ADAMTSL1: variants seen among roughly 807,000 people sequenced by gnomAD.
ADAMTSL1 encodes the protein ADAMTS like 1, also known as ADAMTS-like protein 1.
A neutral mutation model predicts 201.8 loss-of-function variants in ADAMTSL1; 126 were observed. The ratio of observed to expected loss-of-function variants is 0.62; its 90% CI spans 0.54 to 0.72. The LOEUF (loss-of-function observed/expected upper bound fraction) is 0.72, where lower values mean the gene tolerates loss of function less well. Ranked by LOEUF, ADAMTSL1 falls within the 30% of genes least tolerant of loss-of-function variation. The pLI, the probability that ADAMTSL1 is intolerant of heterozygous loss-of-function variation, is 0.00. For synonymous variants in ADAMTSL1, 1,121 were observed against 903.4 expected, an observed-to-expected ratio of 1.24 and a Z score of -4.32; for missense variants, 2,679 against 2,277.8, an observed-to-expected ratio of 1.18 and a Z score of -3.59.
intron 1 of ADAMTSL1, among the ~76,000 whole-genome samples, chr9:18,030,787 T>A (rs149793883): frequency 6.6e-6 from 1 of 152,128 alleles, no homozygotes; most frequent in Non-Finnish European, 1.5e-5. Flanking sequence ...TCCTTCTCTC[T>A]CAGGAATGCC....
intron 4 of ADAMTSL1, among the ~76,000 whole-genome samples, chr9:18,592,537 C>T (rs148259267): frequency 2.5e-4 from 38 of 152,214 alleles, no homozygotes; most frequent in African/African-American, 8.7e-4. Flanking sequence ...TGTCAACTTT[C>T]GATGGCCGAC....
intron 26 of ADAMTSL1, among the ~76,000 whole-genome samples, chr9:18,902,056 C>A (rs1204568003): frequency 6.6e-6 from 1 of 152,054 alleles, no homozygotes; most frequent in East Asian, 1.9e-4. Flanking sequence ...GTCAATATAC[C>A]AAGAACATAT....
At chr9:18,375,176 C>A (rs1485348921) in intron 2 of ADAMTSL1, among the ~76,000 whole-genome samples, 1 of 152,192 alleles carries the variant, frequency 6.6e-6, no homozygotes. Flanking sequence ...TTCCTCAGTT[C>A]CGCATTAGGA....
intron 2 of ADAMTSL1, among the ~76,000 whole-genome samples, chr9:18,290,742 T>C (rs1010442532): frequency 2.0e-5 from 3 of 150,048 alleles, no homozygotes; most frequent in Non-Finnish European, 4.4e-5. Flanking sequence ...GATCACAGAG[T>C]GGTAAGGGCT....
chr9:17,913,296 A>G (rs1825962926), intron 1 of ADAMTSL1, among the ~76,000 whole-genome samples: 1 of 152,086 alleles, frequency 6.6e-6, no homozygotes, highest in South Asian at 2.1e-4. Flanking sequence ...CAATATGGCC[A>G]TTTTCATGAT....
At chr9:18,311,654 G>A (rs1834162298) in intron 2 of ADAMTSL1, among the ~76,000 whole-genome samples, 1 of 152,158 alleles carries the variant, frequency 6.6e-6, no homozygotes, top group African/African-American at 2.4e-5. Context: ...ATTCGATGCT[G>A]GAATCATTCA....
intron 3 of ADAMTSL1, among the ~76,000 whole-genome samples, chr9:18,563,465 T>C (rs1821670049): frequency 6.6e-6 from 1 of 152,148 alleles, no homozygotes; most frequent in Admixed American, 6.5e-5. Context: ...CTGGAAGGTG[T>C]CTCTCAGTCA....
intron 2 of ADAMTSL1, among the ~76,000 whole-genome samples, chr9:18,270,583 T>C (rs1411038168): frequency 6.6e-6 from 1 of 152,220 alleles, no homozygotes; most frequent in Non-Finnish European, 1.5e-5. Flanking sequence ...TATTAATATT[T>C]TTATAATAAT....
chr9:18,067,361 A>G (rs1034842014), intron 1 of ADAMTSL1, among the ~76,000 whole-genome samples: 1 of 142,520 alleles, frequency 7.0e-6, no homozygotes, highest in Non-Finnish European at 1.6e-5. Context: ...ATGCAGTGAA[A>G]ATTCAAAAAC....
At chr9:18,488,192 T>C (rs1470923057) in intron 1 of ADAMTSL1, among the ~76,000 whole-genome samples, 1 of 152,160 alleles carries the variant, frequency 6.6e-6, no homozygotes, top group Non-Finnish European at 1.5e-5. Context: ...ATCTCCCCAA[T>C]CTGAGGGCCT....
chr9:18,232,204 C>T (rs1037709863), intron 2 of ADAMTSL1, among the ~76,000 whole-genome samples: 3 of 152,166 alleles, frequency 2.0e-5, no homozygotes, highest in African/African-American at 7.2e-5. Context: ...AGCTTCCTTG[C>T]TCTTCTCCAG....
chr9:18,782,923 G>C (rs553406606), intron 19 of ADAMTSL1, among the ~76,000 whole-genome samples: 1 of 152,356 alleles, frequency 6.6e-6, no homozygotes, highest in South Asian at 2.1e-4. Flanking sequence ...GGTATGGGAT[G>C]AGGTTGTGAG....
intron 2 of ADAMTSL1, among the ~76,000 whole-genome samples, chr9:18,427,186 T>A (rs898127302): frequency 5.3e-5 from 8 of 152,236 alleles, no homozygotes; most frequent in Non-Finnish European, 1.2e-4. Flanking sequence ...TAAAAGTTAC[T>A]GCACACAGTT....
At chr9:18,789,144 C>G (rs1481193919) in intron 19 of ADAMTSL1, among the ~76,000 whole-genome samples, 1 of 152,140 alleles carries the variant, frequency 6.6e-6, no homozygotes, top group East Asian at 1.9e-4. Context: ...TTCACGACAT[C>G]TAGAATTTAT....
At chr9:17,919,894 C>T (rs1434034462) in intron 1 of ADAMTSL1, among the ~76,000 whole-genome samples, 1 of 152,042 alleles carries the variant, frequency 6.6e-6, no homozygotes, top group East Asian at 1.9e-4. Flanking sequence ...GAGAAACTGC[C>T]AGAGTGTTTT....
At chr9:18,754,266 A>G (rs1819622291) in intron 16 of ADAMTSL1, among the ~76,000 whole-genome samples, 2 of 152,256 alleles carry the variant, frequency 1.3e-5, no homozygotes, top group Admixed American at 6.5e-5. Flanking sequence ...CATATATAAT[A>G]ATAACACAAC....
intron 1 of ADAMTSL1, among the ~76,000 whole-genome samples, chr9:17,981,908 C>T (rs941848594): frequency 6.6e-6 from 1 of 152,124 alleles, no homozygotes; most frequent in African/African-American, 2.4e-5. Context: ...GAGTATAAGA[C>T]TCCCCACCAT....
intron 2 of ADAMTSL1, among the ~76,000 whole-genome samples, chr9:18,510,514 C>A (rs1188883843): frequency 6.6e-6 from 1 of 152,132 alleles, no homozygotes; most frequent in East Asian, 1.9e-4. Flanking sequence ...TTCTCCCCTA[C>A]CCTTTTTCTG....
At chr9:18,423,313 T>C (rs1320040200) in intron 2 of ADAMTSL1, among the ~76,000 whole-genome samples, 1 of 152,212 alleles carries the variant, frequency 6.6e-6, no homozygotes, top group African/African-American at 2.4e-5. Context: ...TTTAACCTTG[T>C]TATATGACAT....
Sources: gnomAD v4.1 joint callset for allele counts (sites outside exome capture counted in the v4.1 genomes callset) on GRCh38, gnomAD v4.1.1 for gene constraint, MANE v1.5 for transcripts, NCBI Gene and HGNC (gene_info 2026-07-23, HGNC 2026-07-21) for gene names.